The following MYH15 variants were observed in gnomAD, a reference collection of about 807,000 sequenced individuals.
MYH15 encodes the protein myosin-15.
MYH15 carries 227 observed loss-of-function variants against 240.5 expected under a neutral mutation model. The observed-to-expected ratio is 0.94, with a 90% CI of 0.85 to 1.05. The LOEUF is 1.05. Among genes scored for constraint, MYH15 ranks in the 50% least tolerant of loss-of-function variants. The pLI is 0.00. For missense variants in MYH15, 2,217 were observed against 2,247.5 expected (o/e 0.99, Z 0.27); for synonymous variants, 785 against 796.7 (o/e 0.99, Z 0.25).
intron 3 of MYH15, among the ~76,000 whole-genome samples, 162 bp from the exon 4 acceptor site, chr3:108,500,436 ACAGAAC>A (rs1560432924): frequency 6.6e-6 from 1 of 152,174 alleles, no homozygotes; most frequent in Non-Finnish European, 1.5e-5. Context: ...ACAAGAAGAG[ACAGAAC>A]CAGGTTAGAG....
the MYH15 span, among the ~76,000 whole-genome samples, chr3:108,546,342 C>G: frequency 1.3e-5 from 2 of 152,152 alleles, no homozygotes; most frequent in Admixed American, 1.3e-4. Flanking sequence ...TACATTATAT[C>G]TTTTGGCTCT....
intron 6 of MYH15, among the ~76,000 whole-genome samples, chr3:108,497,618 T>A (rs2107232137): frequency 6.6e-6 from 1 of 152,228 alleles, no homozygotes; most frequent in East Asian, 1.9e-4. Context: ...CATTGGGCAT[T>A]TAGAATTTGA....
At chr3:108,497,993 T>A in intron 6 of MYH15, 59 bp downstream of exon 6, 2 of 1,467,350 alleles carry the variant, frequency 1.4e-6, no homozygotes, top group Non-Finnish European at 1.9e-6. Flanking sequence ...GGACACAACC[T>A]CCATGATCCA....
intron 8 of MYH15, 29 bp downstream of exon 8, chr3:108,493,085 A>T (rs774768942): frequency 6.3e-7 from 1 of 1,599,610 alleles, no homozygotes; most frequent in South Asian, 1.1e-5. Context: ...AAAAGAAAAA[A>T]GTAATCAGAC....
intron 9 of MYH15, among the ~76,000 whole-genome samples, chr3:108,486,901 G>A (rs980326714): frequency 7.9e-5 from 12 of 152,218 alleles, no homozygotes; most frequent in Non-Finnish European, 1.5e-4. Context: ...GAGGGCTGGA[G>A]GATAAAAGTA....
chr3:108,472,885 G>A (rs79227348), intron 12 of MYH15, among the ~76,000 whole-genome samples: 18,156 of 152,154 alleles, frequency 0.12, 1,341 homozygotes, highest in East Asian at 0.39. Context: ...ACTTTTCAAG[G>A]GTTAAATGCA....
At position 108,408,324 on chromosome 3, in the gene MYH15, CA is replaced by C; in HGVS notation, c.4575del (p.Ile1525MetfsTer10). 1.2e-6 allele frequency: 2 copies of C among 1,613,578 alleles called. No individual in the cohort carries two copies. Among genetic ancestry groups the C allele is most frequent in the Non-Finnish European group, 1.7e-6 (2 of 1,179,862 alleles). Reference sequence around the variant, plus strand: ...ACCTGGACTTCTGTCTTCTCTTCTTCAATTAGTTTCTTGACCTTTTCCATTT... The same window carrying C: ...ACCTGGACTTCTGTCTTCTCTTCTTCATTAGTTTCTTGACCTTTTCCATTT... ...LTEMEKVKKL[I>X]EEEKTEVQVT... On this transcript the variant is annotated frameshift_variant, in exon 32 of 41. Transcript: ENST00000693548. LOFTEE classifies it high-confidence loss of function.
At chr3:108,459,104 A>G (rs1046896103) in intron 18 of MYH15, among the ~76,000 whole-genome samples, 1 of 152,196 alleles carries the variant, frequency 6.6e-6, no homozygotes, top group Non-Finnish European at 1.5e-5. Context: ...ATAAAATTCA[A>G]GGAAGAATTT....
intron 1 of MYH15, among the ~76,000 whole-genome samples, chr3:108,524,797 C>A (rs935147214): frequency 4.6e-5 from 7 of 152,034 alleles, no homozygotes; most frequent in African/African-American, 1.7e-4. Context: ...TAATCCAGGG[C>A]TCCTATGTAT....
chr3:108,537,082 G>A, the MYH15 span, among the ~76,000 whole-genome samples: 1 of 152,194 alleles, frequency 6.6e-6, no homozygotes, highest in East Asian at 1.9e-4. Context: ...CAGGAGAGAG[G>A]CAGGCTTGCC....
Position 108,470,787 on chromosome 3 carries a change from C to G in MYH15, c.1294G>C (p.Val432Leu). The G allele has an allele frequency of 6.2e-7, 1 of 1,613,920 alleles. No individual in the cohort carries two copies. The highest frequency in any genetic ancestry group is 8.5e-7 in the Non-Finnish European group (1 of 1,179,882). Residue 432 changes from valine (V) to leucine (L), a missense_variant, in exon 13 of 41, where the codon GTG (valine) becomes CTG (leucine). By Grantham distance (32) the Val-to-Leu change is conservative (BLOSUM62 1). Transcript: ENST00000693548. Reference protein sequence around the residue: ...SMYERMFKWLVARINRALDAK... With the variant: ...SMYERMFKWLLARINRALDAK... The stretch of plus-strand genomic sequence containing the variant: ...TCCAGGGCCCTGTTGATCCGTGCCA[C>G]TAGCCACTTAAACATCCTTTCATAC...
intron 21 of MYH15, 88 bp from the exon 22 acceptor site, chr3:108,444,983 T>C: frequency 7.2e-7 from 1 of 1,395,960 alleles, no homozygotes; most frequent in Non-Finnish European, 9.6e-7. Context: ...AAACACATAT[T>C]TTTAGGAGTC....
Position 108,399,089 on chromosome 3 carries a change from G to A in MYH15, c.4915C>T (p.Gln1639Ter). ...TTTTAAAATACCTTGATTTGAATCT[G>A]AAGCTGGCCCAGGGATTTGGTTGCT... ...SEATKSLGQL[Q>*]IQIKDLQMQL... The change falls in exon 34 of 41, where the codon CAG (glutamine) becomes TAG (stop). Residue 1639 changes from glutamine to a stop codon, truncating the protein, a stop_gained. Transcript: ENST00000693548. LOFTEE classifies it high-confidence loss of function. 1 of 1,613,550 alleles carries A rather than the reference G, an allele frequency of 6.2e-7. No homozygotes were observed. Among genetic ancestry groups the A allele is most frequent in the Non-Finnish European group, 8.5e-7 (1 of 1,179,714 alleles).
intron 17 of MYH15, 119 bp from the exon 18 acceptor site, chr3:108,459,568 A>C: frequency 1.8e-6 from 1 of 557,562 alleles, no homozygotes; most frequent in Admixed American, 4.0e-5. Context: ...GTATTCTAAC[A>C]GTAAAATAAT....
At position 108,411,657 on chromosome 3, in the gene MYH15, T is replaced by C. The variant is rs551354707; in HGVS notation, c.4146-725A>G. Among the ~76,000 whole-genome samples the C allele has an allele frequency of 2.0e-4, 31 of 152,362 alleles. No individual in the cohort carries two copies. The South Asian group carries it at 5.4e-3, about 26-fold the overall frequency. On this transcript the variant is annotated intron_variant, in intron 30 of 40. Transcript: ENST00000693548. Reference sequence around the variant, plus strand: ...ATTAGGAATTCTAATGGATGAAATGTGTTCTGTTTCTTACATCTCCTGCAG... The same window carrying C: ...ATTAGGAATTCTAATGGATGAAATGCGTTCTGTTTCTTACATCTCCTGCAG...
In MYH15 at chr3:108,448,027, C is replaced by T. The variant is rs1037167075; in HGVS notation, c.2400-3132G>A. The stretch of plus-strand genomic sequence containing the variant: ...TATGTAGTTGAAGTTAAACTATTGC[C>T]AGCTTAAAATAAGATGTTGTCAGCC... On this transcript the variant is annotated intron_variant, in intron 21 of 40. Transcript: ENST00000693548. Among the ~76,000 whole-genome samples the T allele has an allele frequency of 4.6e-5, 7 of 151,940 alleles. No individual in the cohort carries two copies. In the East Asian group the frequency reaches 1.4e-3, roughly 29 times the overall value.
chr3:108,406,473 C>G (rs2082547196), intron 32 of MYH15, among the ~76,000 whole-genome samples: 1 of 152,156 alleles, frequency 6.6e-6, no homozygotes, highest in Admixed American at 6.5e-5. Context: ...CTAACGCACA[C>G]TCAAAAACAA....
chr3:108,393,398 G>C (rs6765518), intron 36 of MYH15, among the ~76,000 whole-genome samples: 1 of 152,200 alleles, frequency 6.6e-6, no homozygotes, highest in African/African-American at 2.4e-5. Flanking sequence ...AACCATGCCC[G>C]CTGAGAGAAG....
chr3:108,463,275 A>G (rs1356140438), intron 15 of MYH15, 32 bp from the exon 16 acceptor site: 1 of 1,576,916 alleles, frequency 6.3e-7, no homozygotes. Flanking sequence ...AGGTTAAAAA[A>G]AGAAAAAAAA....
Sources: gnomAD v4.1 joint callset for allele counts (sites outside exome capture counted in the v4.1 genomes callset) on GRCh38, gnomAD v4.1.1 for gene constraint, MANE v1.5 for transcripts, NCBI Gene and HGNC (gene_info 2026-07-23, HGNC 2026-07-21) for gene names.